ADAM15: variants seen among roughly 807,000 people sequenced by gnomAD.
ADAM15 encodes ADAM metallopeptidase domain 15, also known as disintegrin and metalloproteinase domain-containing protein 15.
ADAM15 carries 77 observed loss-of-function variants against 113.8 expected under a neutral mutation model. The ratio of observed to expected loss-of-function variants is 0.68; its 90% CI spans 0.56 to 0.82. The LOEUF (loss-of-function observed/expected upper bound fraction) is 0.82. Among genes scored for constraint, ADAM15 ranks in the 40% least tolerant of loss-of-function variants. The probability of loss-of-function intolerance (pLI) is 0.00; values close to 1 mark genes in which losing one functional copy is unlikely to be tolerated. For synonymous variants in ADAM15, 388 were observed against 454.1 expected, an observed-to-expected ratio of 0.85 and a Z score of 1.85; for missense variants, 963 against 1,120.1, an observed-to-expected ratio of 0.86 and a Z score of 2.00.
chr1:155,061,125 G>A, intron 19 of ADAM15: 2 of 579,738 alleles, frequency 3.4e-6, no homozygotes, highest in South Asian at 2.1e-5. Flanking sequence ...AGTGACCCCA[G>A]GAGGGCACAA....
Position 155,062,506 on chromosome 1 carries a change from C to A in ADAM15, c.*4C>A. 6.2e-7 allele frequency: 1 copy of A among 1,613,024 alleles called. No individual in the cohort carries two copies. The highest frequency in any genetic ancestry group is 8.5e-7 in the Non-Finnish European group (1 of 1,179,840). ...AGTGTCCTCGCTCTACCTCTGACCT[C>A]TCCGGAGGTTCCGCTGCCTCCAAGC... On this transcript the variant is annotated 3_prime_UTR_variant, in exon 23 of 23. Transcript: ENST00000356955. This position sits in a 1 kb window ranked among gnomAD's most constrained non-coding sequence, Gnocchi z 7.0.
Position 155,057,700 on chromosome 1 carries a change from T to C in ADAM15, c.1387T>C (p.Ser463Pro). Residue 463 changes from serine (S) to proline (P), a missense_variant, in exon 13 of 23, where the codon TCT becomes CCT. Physicochemically the swap from Ser to Pro is moderately conservative, Grantham distance 74. Transcript: ENST00000356955. This position sits in a 1 kb window ranked among gnomAD's most constrained non-coding sequence, Gnocchi z 5.0. ...CQLRPGAQCA[S>P]DGPCCQNCQL... is the part of the protein sequence containing the mutation. ...GCTGAGGCCAGGTGCACAGTGTGCA[T>C]CTGACGGACCCTGTTGTCAAAATTG... 1.9e-6 allele frequency: 3 copies of C among 1,614,168 alleles called. No individual in the cohort carries two copies. The highest frequency in any genetic ancestry group is 2.5e-6 in the Non-Finnish European group (3 of 1,180,034).
chr1:155,058,842 G>T lies in ADAM15; in HGVS notation c.1995+55G>T, dbSNP rs1662152102. ...AGCAGAGAGCCTCTAGAGAGGAAAAGGATACTGGGCTTTGGAAATAGACAT... is the reference window on the plus strand; with the variant it reads ...AGCAGAGAGCCTCTAGAGAGGAAAATGATACTGGGCTTTGGAAATAGACAT... On this transcript the variant is annotated intron_variant, in intron 16 of 22. Transcript: ENST00000356955. The surrounding 1 kb of genome is among the most constrained non-coding windows in gnomAD (Gnocchi z 4.3). The T allele has an allele frequency of 1.3e-6, 2 of 1,548,484 alleles. No individual in the cohort carries two copies. The highest frequency in any genetic ancestry group is 8.7e-7 in the Non-Finnish European group (1 of 1,147,822).
At position 155,062,441 on chromosome 1, in the gene ADAM15, T is replaced by A; in HGVS notation, c.2550-19T>A. 1 of 1,613,262 alleles carries A rather than the reference T, an allele frequency of 6.2e-7. No individual in the cohort carries two copies. ...GAAAGGGGCCTCTGACTCTTTTTTC[T>A]TGGCTTCCCGCAATCCAGACCAGCG... On this transcript the variant is annotated intron_variant, in intron 22 of 22. Transcript: ENST00000356955. This position sits in a 1 kb window ranked among gnomAD's most constrained non-coding sequence, Gnocchi z 7.0.
rs141743658 is a variant in ADAM15 at position 155,055,387 on chromosome 1, G to A, written c.613-403G>A. On this transcript the variant is annotated intron_variant, in intron 6 of 22. Coordinates refer to ENST00000356955, the MANE Select transcript of ADAM15 (RefSeq NM_207197.3). ...ACTACAGGCGCCCGCCACTACACCC[G>A]GCTAATGTTTTGTATTTTTTAGTAC... 6.3e-3 allele frequency: 1,294 copies of A among 203,984 alleles called. 12 individuals carry two copies. The highest frequency in any genetic ancestry group is 0.028 in the African/African-American group (1,190 of 42,662). 12.6% of individuals were successfully genotyped at this position (203,984 alleles called of 1,614,324 possible).
chr1:155,057,996 A>T lies in ADAM15; in HGVS notation c.1562A>T (p.His521Leu), dbSNP rs754550443. The T allele has an allele frequency of 6.2e-7, 1 of 1,613,558 alleles. No homozygotes were observed. Among genetic ancestry groups the T allele is most frequent in the Admixed American group, 1.7e-5 (1 of 60,026 alleles). ...GCTGGCGGGCAAGCTGTGTGCATGC[A>T]CGGGCGTTGTGCCTCCTATGCCCAG... ...PCAGGQAVCM[H>L]GRCASYAQQC... The change falls in exon 14 of 23, where the codon CAC (histidine) becomes CTC (leucine). Residue 521 changes from histidine to leucine, a missense_variant. By Grantham distance (99) the His-to-Leu change is moderately conservative. Transcript: ENST00000356955. The surrounding 1 kb of genome is among the most constrained non-coding windows in gnomAD (Gnocchi z 5.0).
Position 155,057,021 on chromosome 1 carries a change from G to A in ADAM15, c.1068G>A (p.Leu356=). Residue 356 remains leucine, a synonymous_variant, in exon 11 of 23, where the codon CTG becomes CTA. Coordinates refer to ENST00000356955, the MANE Select transcript of ADAM15 (RefSeq NM_207197.3). The surrounding 1 kb of genome is among the most constrained non-coding windows in gnomAD (Gnocchi z 5.0). ...ATGAGTTGGGCCACAGCCTGGGCCT[G>A]GACCATGATTTGCCTGGGAATAGCT... is the stretch of plus-strand genomic sequence containing the variant. The part of the protein sequence containing the change: ...IAHELGHSLG[L]DHDLPGNSCP... The A allele has an allele frequency of 6.2e-7, 1 of 1,607,532 alleles. No individual in the cohort carries two copies. The highest frequency in any genetic ancestry group is 8.5e-7 in the Non-Finnish European group (1 of 1,176,198).
Position 155,060,322 on chromosome 1 carries a change from AG to A in ADAM15, c.2189del (p.Gly730AspfsTer75), listed in dbSNP as rs759929615. 1.2e-6 allele frequency: 2 copies of A among 1,614,070 alleles called. No individual in the cohort carries two copies. Among genetic ancestry groups the A allele is most frequent in the Admixed American group, 1.7e-5 (1 of 59,998 alleles). On this transcript the variant is annotated frameshift_variant, in exon 18 of 23. Coordinates refer to ENST00000356955, the MANE Select transcript of ADAM15 (RefSeq NM_207197.3). LOFTEE classifies it high-confidence loss of function. Reference protein sequence around the residue: ...ARLHQRLCQLKGPTCQYRAAQ... With the variant: ...ARLHQRLCQLXGPTCQYRAAQ... Reference sequence around the variant, plus strand: ...CTGCACCAGCGACTCTGCCAGCTCAAGGGACCCACCTGCCAGTACAGGTATG... The same window carrying A: ...CTGCACCAGCGACTCTGCCAGCTCAAGGACCCACCTGCCAGTACAGGTATG...
At position 155,054,409 on chromosome 1, in the gene ADAM15, T is replaced by A; in HGVS notation, c.515T>A (p.Leu172His). Residue 172 changes from leucine (L) to histidine (H), a missense_variant, in exon 6 of 23, where the codon CTC becomes CAC. Physicochemically the swap from Leu to His is moderately conservative, Grantham distance 99. Coordinates refer to ENST00000356955, the MANE Select transcript of ADAM15 (RefSeq NM_207197.3). ...CCCATTATTTCGCGAATCCAAGATC[T>A]CCACCTGCCAGGCCACACCTGTGCC... Reference protein sequence around the residue: ...GPPIISRIQDLHLPGHTCALS... With the variant: ...GPPIISRIQDHHLPGHTCALS... 6.2e-7 allele frequency: 1 copy of A among 1,613,938 alleles called. No homozygotes were observed. Among genetic ancestry groups the A allele is most frequent in the Non-Finnish European group, 8.5e-7 (1 of 1,179,940 alleles).
In ADAM15 at chr1:155,057,950, C is replaced by T. The variant is rs1571619100; in HGVS notation, c.1516C>T (p.Leu506=). ...CTCCCAGTGTCCCCCTGATGTCAGC[C>T]TAGGGGATGGCGAGCCCTGCGCTGG... is the stretch of plus-strand genomic sequence containing the variant. ...DSSQCPPDVS[L]GDGEPCAGGQ... Residue 506 remains leucine (L), a synonymous_variant, in exon 14 of 23, where the codon CTA becomes TTA. Transcript: ENST00000356955. The surrounding 1 kb of genome is among the most constrained non-coding windows in gnomAD (Gnocchi z 5.0). 6.2e-7 allele frequency: 1 copy of T among 1,612,560 alleles called. No individual in the cohort carries two copies. Among genetic ancestry groups the T allele is most frequent in the Non-Finnish European group, 8.5e-7 (1 of 1,180,030 alleles).
chr1:155,052,432 C>G (rs1401963180), intron 1 of ADAM15: 1 of 1,442,462 alleles, frequency 6.9e-7, no homozygotes, highest in Non-Finnish European at 9.3e-7. Flanking sequence ...CCACAGGCTG[C>G]GCAAGCCGAA....
rs768486493 is a variant in ADAM15 at position 155,060,286 on chromosome 1, A to G, written c.2150A>G (p.Tyr717Cys). ...GTGATGCTTGGTGCCAGCTACTGGT[A>G]CCGTGCCCGCCTGCACCAGCGACTC... is the stretch of plus-strand genomic sequence containing the variant. ...VLVMLGASYW[Y>C]RARLHQRLCQ... Residue 717 changes from tyrosine (Y) to cysteine (C), a missense_variant, in exon 18 of 23, where the codon TAC becomes TGC. Transcript: ENST00000356955. 1.9e-6 allele frequency: 3 copies of G among 1,613,904 alleles called. No individual in the cohort carries two copies. In the Admixed American group the frequency reaches 5.0e-5, roughly 27 times the overall value.
intron 20 of ADAM15, 196 bp from the exon 21 acceptor site, chr1:155,061,708 C>A: frequency 1.3e-6 from 1 of 780,472 alleles, no homozygotes; most frequent in Non-Finnish European, 2.0e-6. Flanking sequence ...TGCAGTCGGC[C>A]AGGGACTGCG....
chr1:155,056,619 A>C lies in ADAM15; in HGVS notation c.999+149A>C. On this transcript the variant is annotated intron_variant, in intron 10 of 22. Transcript: ENST00000356955. The surrounding 1 kb of genome is among the most constrained non-coding windows in gnomAD (Gnocchi z 4.0). ...GGTACGTGATGTGGCCTTTGCTATCAGGGAGCCCTCGCTTATGGCCAGCTA... is the reference window on the plus strand; with the variant it reads ...GGTACGTGATGTGGCCTTTGCTATCCGGGAGCCCTCGCTTATGGCCAGCTA... 1 of 790,258 alleles carries C rather than the reference A, an allele frequency of 1.3e-6. No individual in the cohort carries two copies. The highest frequency in any genetic ancestry group is 2.0e-6 in the Non-Finnish European group (1 of 494,218). The allele number at this position is 790,258 out of a possible 1,614,324, so 49.0% of individuals were successfully genotyped here. A position where few individuals can be genotyped will look rare whatever the true frequency, so the allele number is the denominator to read the frequency against.
Position 155,062,663 on chromosome 1 carries a change from C to A in ADAM15, c.*161C>A. The stretch of plus-strand genomic sequence containing the variant: ...GTCAAGCAACACTCTGCGGACCTGC[C>A]GGCGTAGTTGCAGCGGGGGCTTGGG... On this transcript the variant is annotated 3_prime_UTR_variant, in exon 23 of 23. Coordinates refer to ENST00000356955, the MANE Select transcript of ADAM15 (RefSeq NM_207197.3). The surrounding 1 kb of genome is among the most constrained non-coding windows in gnomAD (Gnocchi z 7.0). 9.7e-7 allele frequency: 1 copy of A among 1,028,458 alleles called. No homozygotes were observed. Among genetic ancestry groups the A allele is most frequent in the Non-Finnish European group, 1.4e-6 (1 of 721,388 alleles). 63.7% of individuals were successfully genotyped at this position (1,028,458 alleles called of 1,614,324 possible).
Position 155,058,074 on chromosome 1 carries a change from T to C in ADAM15, c.1640T>C (p.Leu547Pro), listed in dbSNP as rs765586596. 3 of 1,614,152 alleles carry C rather than the reference T, an allele frequency of 1.9e-6. No homozygotes were observed. In the South Asian group the frequency reaches 3.3e-5, roughly 18 times the overall value. ...GCCCAGCCCGCTGCGCCACTTTGCC[T>C]CCAGACAGCTAATACTCGGGGAAAT... is the stretch of plus-strand genomic sequence containing the variant. Reference protein sequence around the residue: ...PGAQPAAPLCLQTANTRGNAF... With the variant: ...PGAQPAAPLCPQTANTRGNAF... Residue 547 changes from leucine (L) to proline (P), a missense_variant, in exon 14 of 23, where the codon CTC (leucine) becomes CCC (proline). By Grantham distance (98) the Leu-to-Pro change is moderately conservative. Coordinates refer to ENST00000356955, the MANE Select transcript of ADAM15 (RefSeq NM_207197.3). This position sits in a 1 kb window ranked among gnomAD's most constrained non-coding sequence, Gnocchi z 4.3.
At position 155,053,972 on chromosome 1, in the gene ADAM15, G is replaced by A. The variant is rs151073415; in HGVS notation, c.326G>A (p.Ser109Asn). ...WYQPDGTRVV[S>N]EGHTLENCCY... ...CAGCCCGATGGCACTCGGGTGGTCA[G>A]TGAGGGACACACTTTGGTGAGTCAG... The change falls in exon 4 of 23, where the codon AGT becomes AAT. Residue 109 changes from serine (S) to asparagine (N), a missense_variant. Ser to Asn is a conservative substitution (Grantham distance 46, BLOSUM62 1). Coordinates refer to ENST00000356955, the MANE Select transcript of ADAM15 (RefSeq NM_207197.3). The A allele has an allele frequency of 5.0e-6, 8 of 1,614,096 alleles. No individual in the cohort carries two copies. The highest frequency in any genetic ancestry group is 5.9e-6 in the Non-Finnish European group (7 of 1,180,038).
intron 16 of ADAM15, among the ~76,000 whole-genome samples, chr1:155,059,090 CAG>C (rs1400766779): frequency 3.3e-5 from 5 of 152,128 alleles, no homozygotes; most frequent in African/African-American, 9.7e-5. Context: ...TGTTTTGAGA[CAG>C]AGTCTCGCTC....
chr1:155,056,027 C>G lies in ADAM15; in HGVS notation c.744+27C>G. On this transcript the variant is annotated intron_variant, in intron 8 of 22. Transcript: ENST00000356955. The surrounding 1 kb of genome is among the most constrained non-coding windows in gnomAD (Gnocchi z 4.0). ...TGAGTGCTGGACAGGGCAACCCCCA[C>G]CCCAGGCCCCTGACCATGGCAACCC... The G allele has an allele frequency of 7.4e-6, 12 of 1,612,894 alleles. No individual in the cohort carries two copies. The highest frequency in any genetic ancestry group is 1.0e-5 in the Non-Finnish European group (12 of 1,179,976).
Sources: allele counts gnomAD v4.1 joint callset (sites outside exome capture counted in the v4.1 genomes callset), GRCh38; gene constraint gnomAD v4.1.1; non-coding constraint Gnocchi (gnomAD v3.1); transcripts MANE v1.5; gene names NCBI Gene and HGNC (gene_info 2026-07-23, HGNC 2026-07-21).